Variants in ANKFN1 observed in about 807,000 individuals in gnomAD.
ANKFN1 encodes ankyrin repeat and fibronectin type-III domain-containing protein 1.
In ANKFN1, 74 loss-of-function variants were observed where a neutral mutation model predicts 108.7. That is an observed-to-expected ratio of 0.68 (90% CI 0.56 to 0.83). ANKFN1 has a LOEUF of 0.83. ANKFN1 is among the 40% of genes least tolerant of loss of function. The pLI, the probability that ANKFN1 is intolerant of heterozygous loss-of-function variation, is 0.00. For synonymous variants in ANKFN1, 547 were observed against 516.2 expected (o/e 1.06, Z -0.81); for missense variants, 1,505 against 1,382.3 (o/e 1.09, Z -1.41).
At chr17:56,503,193 G>C (rs929458075) in intron 20 of ANKFN1, among the ~76,000 whole-genome samples, 1 of 152,002 alleles carries the variant, frequency 6.6e-6, no homozygotes, top group Non-Finnish European at 1.5e-5. Flanking sequence ...AGGCAATAGA[G>C]GGGAGGGGGG....
chr17:56,391,410 G>GTGTA, intron 8 of ANKFN1, among the ~76,000 whole-genome samples: 1 of 118,642 alleles, frequency 8.4e-6, no homozygotes, highest in Non-Finnish European at 1.7e-5. Context: ...GTGTGTGTGT[G>GTGTA]TACATATATA....
At chr17:56,144,193 A>T (rs1908116170) in intron 4 of ANKFN1, among the ~76,000 whole-genome samples, 1 of 132,902 alleles carries the variant, frequency 7.5e-6, no homozygotes, top group East Asian at 2.4e-4. Context: ...AAACAGCCCA[A>T]ACCAAATGAA....
chr17:56,487,125 A>G (rs1463917069), intron 18 of ANKFN1, among the ~76,000 whole-genome samples: 1 of 152,128 alleles, frequency 6.6e-6, no homozygotes, highest in Non-Finnish European at 1.5e-5. Context: ...AAATTGTCCT[A>G]TTGGAGGATG....
chr17:56,083,038 T>C (rs1286626073), intron 4 of ANKFN1, among the ~76,000 whole-genome samples: 3 of 151,480 alleles, frequency 2.0e-5, no homozygotes, highest in Admixed American at 1.3e-4. Context: ...TAACTGCTGA[T>C]GATAAGAGCA....
chr17:56,247,680 G>A (rs900276750), intron 3 of ANKFN1, among the ~76,000 whole-genome samples: 12 of 152,106 alleles, frequency 7.9e-5, no homozygotes, highest in African/African-American at 2.9e-4. Context: ...CATGTAACTA[G>A]AAAATGGAAG....
chr17:56,455,511 C>A (rs2049656594), intron 11 of ANKFN1, among the ~76,000 whole-genome samples: 1 of 152,232 alleles, frequency 6.6e-6, no homozygotes, highest in Non-Finnish European at 1.5e-5. Context: ...CAGTCATGGG[C>A]CACCTGTCCA....
At chr17:56,188,055 A>G (rs902702991) in intron 1 of ANKFN1, among the ~76,000 whole-genome samples, 2 of 152,184 alleles carry the variant, frequency 1.3e-5, no homozygotes, top group African/African-American at 2.4e-5. Context: ...CGTTGTGCAC[A>G]TGTACCCTAG....
chr17:56,163,573 T>C (rs1470799580), intron 1 of ANKFN1, among the ~76,000 whole-genome samples: 3 of 152,222 alleles, frequency 2.0e-5, no homozygotes, highest in African/African-American at 7.2e-5. Flanking sequence ...CTATGTTTCC[T>C]TGGAAAGATG....
intron 4 of ANKFN1, among the ~76,000 whole-genome samples, chr17:56,336,163 G>A (rs1057278185): frequency 1.3e-5 from 2 of 152,132 alleles, no homozygotes; most frequent in African/African-American, 2.4e-5. Flanking sequence ...CAGGGATATT[G>A]GTCTAAAATT....
Position 56,322,997 on chromosome 17 carries a change from G to A in ANKFN1, c.54-3224G>A, listed in dbSNP as rs578233790. Among the ~76,000 whole-genome samples the A allele has an allele frequency of 4.6e-5, 7 of 152,212 alleles. No homozygotes were observed. In the South Asian group the frequency reaches 1.2e-3, roughly 27 times the overall value. On this transcript the variant is annotated intron_variant, in intron 3 of 20. Transcript: ENST00000682825. ...CTTAATTTTACTGAGCACTTACTAG[G>A]GCTGGAGGTGTAGTGGCTGAAGGAG...
At chr17:56,376,930 C>A (rs2046963050) in intron 8 of ANKFN1, among the ~76,000 whole-genome samples, 1 of 152,000 alleles carries the variant, frequency 6.6e-6, no homozygotes, top group African/African-American at 2.4e-5. Context: ...AACAGCAGTG[C>A]AGTTTTTAAT....
chr17:56,309,026 G>A (rs1269091601), intron 3 of ANKFN1, among the ~76,000 whole-genome samples: 1 of 151,854 alleles, frequency 6.6e-6, no homozygotes, highest in Non-Finnish European at 1.5e-5. Flanking sequence ...TTCTTTTTTG[G>A]CACTGTCTTT....
intron 3 of ANKFN1, among the ~76,000 whole-genome samples, chr17:56,320,855 T>C (rs2045345551): frequency 6.6e-6 from 1 of 152,138 alleles, no homozygotes; most frequent in African/African-American, 2.4e-5. Flanking sequence ...TGTCATCGGA[T>C]TGCACTACGA....
chr17:56,199,751 A>G (rs1052603559), intron 1 of ANKFN1, among the ~76,000 whole-genome samples: 1 of 152,184 alleles, frequency 6.6e-6, no homozygotes, highest in Non-Finnish European at 1.5e-5. Flanking sequence ...TTCGATAAAC[A>G]ACAAATACGC....
intron 4 of ANKFN1, among the ~76,000 whole-genome samples, chr17:56,138,375 C>T (rs1310352611): frequency 6.6e-6 from 1 of 152,190 alleles, no homozygotes; most frequent in African/African-American, 2.4e-5. Context: ...TGAAGTAAAT[C>T]TTGGGTAAGA....
At chr17:56,429,934 G>T (rs2048698854) in intron 8 of ANKFN1, among the ~76,000 whole-genome samples, 1 of 152,158 alleles carries the variant, frequency 6.6e-6, no homozygotes, top group African/African-American at 2.4e-5. Flanking sequence ...ATTATAATAT[G>T]AAGTAGAGTA....
intron 6 of ANKFN1, among the ~76,000 whole-genome samples, chr17:56,357,121 G>A (rs1421435616): frequency 6.6e-6 from 1 of 152,208 alleles, no homozygotes; most frequent in African/African-American, 2.4e-5. Flanking sequence ...ACAAATGGTG[G>A]GAGATAAACC....
At position 56,367,865 on chromosome 17, in the gene ANKFN1, C is replaced by T. The variant is rs551882792; in HGVS notation, c.602-4781C>T. Reference sequence around the variant, plus strand: ...TCAAACCAACCAGCCAAACTGAGTTCACCAATTTCATACCAAATAGATAAC... The same window carrying T: ...TCAAACCAACCAGCCAAACTGAGTTTACCAATTTCATACCAAATAGATAAC... On this transcript the variant is annotated intron_variant, in intron 6 of 20. Coordinates refer to ENST00000682825, the MANE Select transcript of ANKFN1 (RefSeq NM_001370326.1). Among the ~76,000 whole-genome samples, 3 of 152,228 alleles carry T rather than the reference C, an allele frequency of 2.0e-5. No individual in the cohort carries two copies. The South Asian group carries it at 6.2e-4, about 32-fold the overall frequency.
intron 19 of ANKFN1, among the ~76,000 whole-genome samples, chr17:56,495,334 T>TCTCTCA (rs1236641914): frequency 2.0e-5 from 3 of 151,550 alleles, no homozygotes; most frequent in African/African-American, 7.3e-5. Flanking sequence ...TCTCTCTCTC[T>TCTCTCA]CTCACTCACT....
Sources: allele counts gnomAD v4.1 joint callset (sites outside exome capture counted in the v4.1 genomes callset), GRCh38; gene constraint gnomAD v4.1.1; transcripts MANE v1.5; gene names NCBI Gene and HGNC (gene_info 2026-07-23, HGNC 2026-07-21).